The following ANK3 variants were observed in gnomAD, a reference collection of about 807,000 sequenced individuals.
ANK3 encodes the protein ankyrin-3.
ANK3 carries 57 observed loss-of-function variants against 370.9 expected under a neutral mutation model. The ratio of observed to expected loss-of-function variants is 0.15; its 90% CI spans 0.12 to 0.19. The LOEUF is 0.19. Ranked by LOEUF, ANK3 falls within the 10% of genes least tolerant of loss-of-function variation. The pLI is 1.00. For missense variants in ANK3, 4,439 were observed against 5,302.1 expected, an observed-to-expected ratio of 0.84 and a Z score of 5.06; for synonymous variants, 1,929 against 1,946.3, an observed-to-expected ratio of 0.99 and a Z score of 0.23.
chr10:60,729,011 A>G (rs1027050335), intron 1 of ANK3, among the ~76,000 whole-genome samples: 4 of 152,172 alleles, frequency 2.6e-5, no homozygotes, highest in Non-Finnish European at 5.9e-5. Flanking sequence ...TGGATTATAT[A>G]CTTCTTTTTA....
rs1464638045 is a variant in ANK3 at position 60,028,653 on chromosome 10, T to A, written c.*1193A>T. 6.6e-6 allele frequency: 1 copy of A among 152,586 alleles called. No homozygotes were observed. Among genetic ancestry groups the A allele is most frequent in the Non-Finnish European group, 1.5e-5 (1 of 68,042 alleles). The allele number at this position is 152,586 out of a possible 1,614,324, so 9.5% of individuals were successfully genotyped here. A position where few individuals can be genotyped will look rare whatever the true frequency, so the allele number is the denominator to read the frequency against. Reference sequence around the variant, plus strand: ...ATTGGCTTACTGAAAGGTGTCTACATCTTATAGCCAGTACACAATACAGTA... The same window carrying A: ...ATTGGCTTACTGAAAGGTGTCTACAACTTATAGCCAGTACACAATACAGTA... On this transcript the variant is annotated 3_prime_UTR_variant, in exon 44 of 44. Transcript: ENST00000280772.
chr10:60,072,152 TTTG>T lies in ANK3; in HGVS notation c.8726_8728del (p.Thr2909del). On this transcript the variant is annotated inframe_deletion, in exon 37 of 44. Transcript: ENST00000280772. ...TTCTTTAATTTCTGAGAGAGAGCCGTTTGTTAACAATTTGCGTTCTCTCTCAGT... is the reference window on the plus strand; with the variant it reads ...TTCTTTAATTTCTGAGAGAGAGCCGTTTAACAATTTGCGTTCTCTCTCAGT... 1 of 1,613,966 alleles carries T rather than the reference TTTG, an allele frequency of 6.2e-7. No homozygotes were observed. The highest frequency in any genetic ancestry group is 8.5e-7 in the Non-Finnish European group (1 of 1,180,008).
intron 2 of ANK3, among the ~76,000 whole-genome samples, chr10:60,410,378 G>T (rs1016244025): frequency 6.6e-6 from 1 of 152,152 alleles, no homozygotes; most frequent in Non-Finnish European, 1.5e-5. Context: ...GGGGGAAGGG[G>T]CAACGTCTGT....
chr10:60,068,661 C>T lies in ANK3; in HGVS notation c.12220G>A (p.Glu4074Lys), dbSNP rs549248778. 2.5e-6 allele frequency: 4 copies of T among 1,609,870 alleles called. No homozygotes were observed. The highest frequency in any genetic ancestry group is 3.4e-6 in the Non-Finnish European group (4 of 1,177,596). ...CCAGTCCTTCTACTGCTCCTTTTCT[C>T]ACTGCCGGCCTTTTCACTCTTTGAT... ...LKSKSEKAGS[E>K]KRSSRRTGPQ... Residue 4074 changes from glutamate to lysine, a missense_variant, in exon 37 of 44, where the codon GAG (glutamate) becomes AAG (lysine). Around this residue, in one of 13 missense-constraint regions of ANK3, gnomAD observed 99 missense variants for 150.7 expected, o/e 0.66. Transcript: ENST00000280772.
chr10:60,185,574 A>C (rs1331063695), intron 17 of ANK3, among the ~76,000 whole-genome samples: 2 of 152,226 alleles, frequency 1.3e-5, no homozygotes, highest in African/African-American at 4.8e-5. Context: ...ATTTGTCAAC[A>C]TAAGACTATT....
intron 1 of ANK3, among the ~76,000 whole-genome samples, chr10:60,362,568 T>A (rs2058773238): frequency 6.6e-6 from 1 of 152,172 alleles, no homozygotes. Flanking sequence ...AAGCTCCCCA[T>A]AGGATCTTAA....
chr10:60,066,875 G>C (rs942233920), intron 38 of ANK3, among the ~76,000 whole-genome samples: 7 of 152,126 alleles, frequency 4.6e-5, no homozygotes, highest in African/African-American at 1.7e-4. Flanking sequence ...TTACAATGCA[G>C]AATTGTCCAA....
intron 2 of ANK3, among the ~76,000 whole-genome samples, chr10:60,580,370 C>T (rs1301513285): frequency 6.6e-6 from 1 of 152,146 alleles, no homozygotes; most frequent in African/African-American, 2.4e-5. Context: ...CAGATGACAG[C>T]CAGCATATAA....
intron 1 of ANK3, among the ~76,000 whole-genome samples, chr10:60,345,605 C>G (rs552163196): frequency 6.6e-6 from 1 of 152,218 alleles, no homozygotes; most frequent in East Asian, 1.9e-4. Flanking sequence ...CTATGTTAGC[C>G]TTTTAGAAAG....
At chr10:60,202,768 C>A (rs985158302) in intron 12 of ANK3, among the ~76,000 whole-genome samples, 1 of 152,036 alleles carries the variant, frequency 6.6e-6, no homozygotes, top group African/African-American at 2.4e-5. Flanking sequence ...ATTAGCCAGG[C>A]ATGATAGCAC....
intron 1 of ANK3, among the ~76,000 whole-genome samples, chr10:60,386,446 C>G (rs956485876): frequency 6.6e-6 from 1 of 151,530 alleles, no homozygotes; most frequent in South Asian, 2.1e-4. Context: ...AGGAAGATTT[C>G]CTTTTTCTTA....
Position 60,279,160 on chromosome 10 carries a change from T to G in ANK3, c.217-12A>C. On this transcript the variant is annotated splice_polypyrimidine_tract_variant and intron_variant, in intron 2 of 43. Coordinates refer to ENST00000280772, the MANE Select transcript of ANK3 (RefSeq NM_020987.5). Reference sequence around the variant, plus strand: ...GCGTTCAACCCATTCTGATTAAAAGTAAAGGAAAAGCTCTACTCAGCAGGT... The same window carrying G: ...GCGTTCAACCCATTCTGATTAAAAGGAAAGGAAAAGCTCTACTCAGCAGGT... The G allele has an allele frequency of 1.2e-6, 2 of 1,611,556 alleles. No homozygotes were observed. Among genetic ancestry groups the G allele is most frequent in the Non-Finnish European group, 1.7e-6 (2 of 1,178,092 alleles).
intron 1 of ANK3, among the ~76,000 whole-genome samples, chr10:60,619,081 C>T (rs2078301594): frequency 6.6e-6 from 1 of 152,008 alleles, no homozygotes; most frequent in Non-Finnish European, 1.5e-5. Flanking sequence ...AGCTCCTTCA[C>T]CCCCAGGCTT....
chr10:60,048,353 C>T (rs2077287837), intron 42 of ANK3, among the ~76,000 whole-genome samples: 1 of 152,216 alleles, frequency 6.6e-6, no homozygotes, highest in South Asian at 2.1e-4. Flanking sequence ...GAATGACAGC[C>T]CAATGCTGCC....
At chr10:60,496,552 C>CT (rs796462894) in intron 2 of ANK3, among the ~76,000 whole-genome samples, 123 of 146,782 alleles carry the variant, frequency 8.4e-4, no homozygotes, top group Middle Eastern at 3.5e-3. Flanking sequence ...TTAATCTGCT[C>CT]TTTTTTTTTT....
At chr10:60,501,203 G>C (rs2075786991) in intron 2 of ANK3, among the ~76,000 whole-genome samples, 1 of 152,196 alleles carries the variant, frequency 6.6e-6, no homozygotes, top group African/African-American at 2.4e-5. Flanking sequence ...AGAGAGGACA[G>C]TGGGCTGAGA....
chr10:60,032,228 G>A, intron 43 of ANK3, among the ~76,000 whole-genome samples: 1 of 33,878 alleles, frequency 3.0e-5, no homozygotes, highest in African/African-American at 8.5e-5. Context: ...TTGAGACGAA[G>A]TCTCACTCTG....
At chr10:60,400,911 G>A (rs990840127) in intron 2 of ANK3, among the ~76,000 whole-genome samples, 1 of 152,010 alleles carries the variant, frequency 6.6e-6, no homozygotes, top group Non-Finnish European at 1.5e-5. Flanking sequence ...GACTCTGCAG[G>A]CTTTCTAAAG....
rs781760066 is a variant in ANK3, at chr10:60,073,013, G to T, written c.7868C>A (p.Ser2623Tyr). 6.2e-7 allele frequency: 1 copy of T among 1,614,138 alleles called. No individual in the cohort carries two copies. The highest frequency in any genetic ancestry group is 2.2e-5 in the East Asian group (1 of 44,878). The change falls in exon 37 of 44, where the codon TCT becomes TAT. Residue 2623 changes from serine (S) to tyrosine (Y), a missense_variant. Transcript: ENST00000280772. ...AGGGCTGCTACTGGTAGGGCTTTGA[G>T]AAGAATATTCTTTGCCATTTTTAGG... Reference protein sequence around the residue: ...ARPKNGKEYSSQSPTSSSPEK... With the variant: ...ARPKNGKEYSYQSPTSSSPEK...
Sources: allele counts gnomAD v4.1 joint callset (sites outside exome capture counted in the v4.1 genomes callset), GRCh38; gene constraint gnomAD v4.1.1; regional missense constraint gnomAD v4.1.1; transcripts MANE v1.5; gene names NCBI Gene and HGNC (gene_info 2026-07-23, HGNC 2026-07-21).